ALDH16A1: variants seen among roughly 807,000 people sequenced by gnomAD.
ALDH16A1 encodes aldehyde dehydrogenase 16 family member A1.
In ALDH16A1, 88 loss-of-function variants were observed where a neutral mutation model predicts 96.1. The observed-to-expected ratio is 0.92, with a 90% CI of 0.77 to 1.09. The LOEUF is 1.09. Among genes scored for constraint, ALDH16A1 ranks in the 50% least tolerant of loss-of-function variants. The pLI is 0.00. For missense variants in ALDH16A1, 1,250 were observed against 1,112.6 expected, an observed-to-expected ratio of 1.12 and a Z score of -1.76; for synonymous variants, 522 against 496.4, an observed-to-expected ratio of 1.05 and a Z score of -0.69.
In ALDH16A1 at chr19:49,453,424, G is replaced by C. The variant is rs751236802; in HGVS notation, c.90+3G>C. On this transcript the variant is annotated splice_donor_region_variant and intron_variant, in intron 1 of 16. Transcript: ENST00000293350. ...CGGAGAGCCACGCATGCGCACTGGT[G>C]AGAGTCTGCCCGGCCGGCGCTGCTC... 15 of 1,539,662 alleles carry C rather than the reference G, an allele frequency of 9.7e-6. No homozygotes were observed. The Admixed American group carries it at 2.7e-4, about 28-fold the overall frequency.
rs10853810 is a variant in ALDH16A1, at chr19:49,465,828, C to A, written c.1659C>A (p.Asn553Lys). 6.2e-7 allele frequency: 1 copy of A among 1,613,944 alleles called. No homozygotes were observed. Among genetic ancestry groups the A allele is most frequent in the Non-Finnish European group, 8.5e-7 (1 of 1,179,916 alleles). ...GGCCCATCCGGGATTCGTCTGGCAA[C>A]CTCCATGGCTACGTGGCTGAGGGTG... ...SSRPIRDSSG[N>K]LHGYVAEGGA... Residue 553 changes from asparagine to lysine, a missense_variant, in exon 13 of 17, where the codon AAC becomes AAA. Asn to Lys is a moderately conservative substitution (Grantham distance 94). Transcript: ENST00000293350.
chr19:49,468,386 C>A lies in ALDH16A1; in HGVS notation c.1944C>A (p.Ala648=). Residue 648 remains alanine (A), a synonymous_variant, in exon 15 of 17, where the codon GCC becomes GCA. Transcript: ENST00000293350. This position sits in a 1 kb window ranked among gnomAD's most constrained non-coding sequence, Gnocchi z 4.4. ...VQAQGHTLQV[A]GLRGPVLRLR... The stretch of plus-strand genomic sequence containing the variant: ...TGACCCACCTGTCCCTGCAGGTAGC[C>A]GGGCTGAGAGGCCCTGTGCTGCGCC... 6.3e-7 allele frequency: 1 copy of A among 1,598,646 alleles called. No homozygotes were observed. Among genetic ancestry groups the A allele is most frequent in the Non-Finnish European group, 8.5e-7 (1 of 1,179,406 alleles).
At chr19:49,462,433 C>A in intron 7 of ALDH16A1, 137 bp from the exon 8 acceptor site, 1 of 1,143,406 alleles carries the variant, frequency 8.7e-7, no homozygotes, top group Non-Finnish European at 1.2e-6. Context: ...CCGCATCCGG[C>A]CTCTCTGTTC....
chr19:49,459,533 C>A lies in ALDH16A1; in HGVS notation c.321-137C>A. The stretch of plus-strand genomic sequence containing the variant: ...TGACTATAATTCTCATAAATCTTCA[C>A]TGCCCTCTGCCCCAGGTAAATGGTG... On this transcript the variant is annotated intron_variant, in intron 3 of 16. Coordinates refer to ENST00000293350, the MANE Select transcript of ALDH16A1 (RefSeq NM_153329.4). The surrounding 1 kb of genome is among the most constrained non-coding windows in gnomAD (Gnocchi z 4.1). The A allele has an allele frequency of 1.0e-6, 1 of 983,036 alleles. No individual in the cohort carries two copies. The highest frequency in any genetic ancestry group is 1.4e-6 in the Non-Finnish European group (1 of 694,500). The allele number at this position is 983,036 out of a possible 1,614,324, so 60.9% of individuals were successfully genotyped here.
Position 49,459,738 on chromosome 19 carries a change from CTGTTCGAGA to C in ALDH16A1, c.390_398del (p.Glu133_Arg135del), listed in dbSNP as rs755650319. 6.2e-7 allele frequency: 1 copy of C among 1,613,732 alleles called. No homozygotes were observed. The highest frequency in any genetic ancestry group is 8.5e-7 in the Non-Finnish European group (1 of 1,179,912). On this transcript the variant is annotated inframe_deletion, in exon 4 of 17. Coordinates refer to ENST00000293350, the MANE Select transcript of ALDH16A1 (RefSeq NM_153329.4). The surrounding 1 kb of genome is among the most constrained non-coding windows in gnomAD (Gnocchi z 4.1). ...CTGGAATCCCTGGTGACTGGGCGGG[CTGTTCGAGA>C]GGTTCGAGACGGGGACGTCCAGCTG...
rs1319700275 is a variant in ALDH16A1 at position 49,468,171 on chromosome 19, A to AG, written c.1939-210_1939-209insG. ...TGAGAGTCCGTCTCAAAAAAAAAAA[A>AG]AAAGAAAGGCGGTTATGCAGGATGT... is the stretch of plus-strand genomic sequence containing the variant. On this transcript the variant is annotated intron_variant, in intron 14 of 16. Coordinates refer to ENST00000293350, the MANE Select transcript of ALDH16A1 (RefSeq NM_153329.4). This position sits in a 1 kb window ranked among gnomAD's most constrained non-coding sequence, Gnocchi z 4.4. The AG allele has an allele frequency of 7.7e-5, 42 of 542,838 alleles. No individual in the cohort carries two copies. The highest frequency in any genetic ancestry group is 4.2e-5 in the Non-Finnish European group (13 of 309,072). The allele number at this position is 542,838 out of a possible 1,614,324, so 33.6% of individuals were successfully genotyped here.
chr19:49,453,230 C>T lies in ALDH16A1; in HGVS notation c.-102C>T, dbSNP rs1394215312. The T allele has an allele frequency of 1.0e-6, 1 of 962,316 alleles. No homozygotes were observed. Among genetic ancestry groups the T allele is most frequent in the Non-Finnish European group, 1.5e-6 (1 of 665,938 alleles). 59.6% of individuals were successfully genotyped at this position (962,316 alleles called of 1,614,324 possible). ...AGCCCCACCCCATTCCCATTAGCCC[C>T]GCCCCTTTGGGCTGGAACCGGAGGT... On this transcript the variant is annotated 5_prime_UTR_variant, in exon 1 of 17. Transcript: ENST00000293350.
chr19:49,458,912 T>C (rs962697507), intron 2 of ALDH16A1, 48 bp from the exon 3 acceptor site: 44 of 1,587,012 alleles, frequency 2.8e-5, no homozygotes, highest in Non-Finnish European at 3.8e-5. Flanking sequence ...CCTCCAGATA[T>C]GACATGGGCT....
At chr19:49,461,400 T>C (rs866613178) in intron 5 of ALDH16A1, among the ~76,000 whole-genome samples, 70 of 75,904 alleles carry the variant, frequency 9.2e-4, no homozygotes, top group African/African-American at 2.3e-3. Flanking sequence ...GGGGCTGGAG[T>C]CTGGACTCCT....
At chr19:49,467,307 C>A (rs747844802) in intron 14 of ALDH16A1, among the ~76,000 whole-genome samples, 4 of 152,126 alleles carry the variant, frequency 2.6e-5, no homozygotes, top group Non-Finnish European at 5.9e-5. Flanking sequence ...AGGCGTGAGC[C>A]ACTGCGCCTG....
Position 49,461,899 on chromosome 19 carries a change from C to A in ALDH16A1, c.775C>A (p.Arg259=), listed in dbSNP as rs758312798. 3 of 1,584,038 alleles carry A rather than the reference C, an allele frequency of 1.9e-6. No homozygotes were observed. Among genetic ancestry groups the A allele is most frequent in the African/African-American group, 1.3e-5 (1 of 74,098 alleles). Residue 259 remains arginine (R), a synonymous_variant, in exon 7 of 17, where the codon CGA becomes AGA. Coordinates refer to ENST00000293350, the MANE Select transcript of ALDH16A1 (RefSeq NM_153329.4). ...CGAPEEGRAL[R]RSLAGECAEL... ...GGGTCCCTAGGAAGGGCGTGCCCTT[C>A]GACGGAGCCTGGCGGGAGAGTGTGC...
At chr19:49,463,827 C>G (rs201659297) in intron 8 of ALDH16A1, 27 bp from the exon 9 acceptor site, 8 of 1,601,236 alleles carry the variant, frequency 5.0e-6, no homozygotes, top group East Asian at 2.2e-5. Flanking sequence ...GACCAGAAGT[C>G]GACTTCTAGA....
intron 14 of ALDH16A1, among the ~76,000 whole-genome samples, chr19:49,467,710 T>C (rs2079210758): frequency 6.6e-6 from 1 of 151,906 alleles, no homozygotes; most frequent in South Asian, 2.1e-4. Context: ...TTTTTAAATT[T>C]TATTTTACTT....
At chr19:49,462,090 C>G in intron 7 of ALDH16A1, 54 bp downstream of exon 7, 3 of 1,479,448 alleles carry the variant, frequency 2.0e-6, no homozygotes, top group Middle Eastern at 1.7e-4. Flanking sequence ...TGGTGTCTGT[C>G]TCCAGTCTTC....
In ALDH16A1 at chr19:49,459,045, G is replaced by A; in HGVS notation, c.279G>A (p.Trp93Ter). Residue 93 changes from tryptophan to a stop codon, truncating the protein, a stop_gained, in exon 3 of 17, where the codon TGG becomes TGA. Transcript: ENST00000293350. LOFTEE classifies it high-confidence loss of function. This position sits in a 1 kb window ranked among gnomAD's most constrained non-coding sequence, Gnocchi z 4.1. ...CAGCCAGGATGGCATTTAAGGGCTG[G>A]AGTGCGCACCCCGGCGTCGTCCGGG... ...VEAARMAFKGWSAHPGVVRAQ... is the reference protein window; with the variant it reads ...VEAARMAFKG 1 of 1,613,376 alleles carries A rather than the reference G, an allele frequency of 6.2e-7. No homozygotes were observed. The highest frequency in any genetic ancestry group is 8.5e-7 in the Non-Finnish European group (1 of 1,180,030).
At chr19:49,460,972 G>A in intron 5 of ALDH16A1, 73 bp downstream of exon 5, 1 of 1,500,728 alleles carries the variant, frequency 6.7e-7, no homozygotes, top group Non-Finnish European at 9.2e-7. Flanking sequence ...AAACTCCAGA[G>A]TCTGAGAGAC....
rs377498181 is a variant in ALDH16A1, at chr19:49,462,982, TG to T, written c.1098+231del. ...TTCCTGGGTCTGAGGGAGGAGGGGC[TG>T]GGGCCTGGACTCCTGGGTCTGAGGG... On this transcript the variant is annotated intron_variant, in intron 8 of 16. Transcript: ENST00000293350. Among the ~76,000 whole-genome samples the T allele has an allele frequency of 4.7e-4, 29 of 61,416 alleles. 1 individual carries two copies. The highest frequency in any genetic ancestry group is 2.2e-3 in the African/African-American group (20 of 9,272). 40.3% of individuals were successfully genotyped at this position (61,416 alleles called of 152,430 possible).
chr19:49,456,024 T>G (rs2122364356), intron 1 of ALDH16A1, among the ~76,000 whole-genome samples: 1 of 152,372 alleles, frequency 6.6e-6, no homozygotes, highest in South Asian at 2.1e-4. Flanking sequence ...CAATAGCTCC[T>G]GTCTTTTCCA....
rs753696393 is a variant in ALDH16A1, at chr19:49,468,482, G to C, written c.2040G>C (p.Leu680=). 3.1e-6 allele frequency: 5 copies of C among 1,603,064 alleles called. No homozygotes were observed. Among genetic ancestry groups the C allele is most frequent in the Non-Finnish European group, 4.2e-6 (5 of 1,179,902 alleles). ...DEWPLLAFVS[L]LAPALAYGNT... Reference sequence around the variant, plus strand: ...GGCCCCTGCTTGCCTTCGTGTCCCTGCTGGCTCCCGCCCTGGCCTACGGCA... The same window carrying C: ...GGCCCCTGCTTGCCTTCGTGTCCCTCCTGGCTCCCGCCCTGGCCTACGGCA... The change falls in exon 15 of 17, where the codon CTG becomes CTC. Residue 680 remains leucine (L), a synonymous_variant. Coordinates refer to ENST00000293350, the MANE Select transcript of ALDH16A1 (RefSeq NM_153329.4). The surrounding 1 kb of genome is among the most constrained non-coding windows in gnomAD (Gnocchi z 4.4).
Sources: gnomAD v4.1 joint callset for allele counts (sites outside exome capture counted in the v4.1 genomes callset) on GRCh38, gnomAD v4.1.1 for gene constraint, Gnocchi (gnomAD v3.1) non-coding constraint, MANE v1.5 for transcripts, NCBI Gene and HGNC (gene_info 2026-07-23, HGNC 2026-07-21) for gene names.